Variants in CDH4 observed in about 807,000 individuals in gnomAD.
The protein encoded by CDH4 is cadherin-4.
In CDH4, 33 loss-of-function variants were observed where a neutral mutation model predicts 86.0. The observed-to-expected ratio is 0.38, with a 90% CI of 0.29 to 0.51. The LOEUF is 0.51. CDH4 is among the 20% of genes least tolerant of loss of function. The probability of loss-of-function intolerance (pLI) is 0.86; values close to 1 mark genes in which losing one functional copy is unlikely to be tolerated. For synonymous variants in CDH4, 555 were observed against 549.4 expected, an observed-to-expected ratio of 1.01 and a Z score of -0.14; for missense variants, 1,114 against 1,307.4, an observed-to-expected ratio of 0.85 and a Z score of 2.28.
chr20:61,413,051 G>T (rs2085127759), intron 2 of CDH4, among the ~76,000 whole-genome samples: 1 of 152,168 alleles, frequency 6.6e-6, no homozygotes. Flanking sequence ...CCAGGCTCTT[G>T]GTGTGGGGGG....
chr20:61,300,286 G>A (rs1202562785), intron 2 of CDH4, among the ~76,000 whole-genome samples: 1 of 152,158 alleles, frequency 6.6e-6, no homozygotes, highest in Non-Finnish European at 1.5e-5. Context: ...GGGAACACTT[G>A]AAAAATGAGC....
chr20:61,637,517 A>G (rs1443796639), intron 2 of CDH4, among the ~76,000 whole-genome samples: 1 of 152,238 alleles, frequency 6.6e-6, no homozygotes, highest in Non-Finnish European at 1.5e-5. Context: ...AGCTCTTGGC[A>G]GTAACTCCAA....
chr20:61,744,941 C>T (rs2088395609), intron 3 of CDH4, among the ~76,000 whole-genome samples: 1 of 152,178 alleles, frequency 6.6e-6, no homozygotes, highest in Admixed American at 6.5e-5. Context: ...TGCAACCAGG[C>T]GGCCTGTGGG....
intron 1 of CDH4, among the ~76,000 whole-genome samples, chr20:61,254,463 C>T (rs778733117): frequency 1.1e-4 from 17 of 152,258 alleles, no homozygotes; most frequent in Non-Finnish European, 2.2e-4. Context: ...GGCCTCCCTG[C>T]CCTTAGTGGC....
At chr20:61,487,276 G>C (rs75878184) in intron 2 of CDH4, among the ~76,000 whole-genome samples, 2,500 of 152,292 alleles carry the variant, frequency 0.016, 72 homozygotes, top group African/African-American at 0.056. Flanking sequence ...GTTCTGCGGG[G>C]GAAGGGGGCT....
Position 61,424,760 on chromosome 20 carries a change from A to G in CDH4, c.169+169823A>G, listed in dbSNP as rs188442065. Among the ~76,000 whole-genome samples the G allele has an allele frequency of 3.6e-3, 387 of 106,256 alleles. 2 individuals are homozygous for G. The highest frequency in any genetic ancestry group is 0.01 in the African/African-American group (353 of 34,102). The allele number at this position is 106,256 out of a possible 152,430, so 69.7% of individuals were successfully genotyped here. A position where few individuals can be genotyped will look rare whatever the true frequency, so the allele number is the denominator to read the frequency against. On this transcript the variant is annotated intron_variant, in intron 2 of 15. Transcript: ENST00000614565. Reference sequence around the variant, plus strand: ...ACTCCCATTGTTTAGGGAGAGTGTCATCCTGACACAGGCCTCAGTCATCCC... The same window carrying G: ...ACTCCCATTGTTTAGGGAGAGTGTCGTCCTGACACAGGCCTCAGTCATCCC...
At chr20:61,275,716 G>T (rs1335687407) in intron 2 of CDH4, among the ~76,000 whole-genome samples, 2 of 151,842 alleles carry the variant, frequency 1.3e-5, no homozygotes, top group South Asian at 4.2e-4. Context: ...CAGTTTGGGG[G>T]CGTATCATGT....
At chr20:61,476,082 G>A (rs896354621) in intron 2 of CDH4, among the ~76,000 whole-genome samples, 2 of 152,196 alleles carry the variant, frequency 1.3e-5, no homozygotes, top group Admixed American at 6.5e-5. Flanking sequence ...CATAAGCCAC[G>A]AGCTTAATGC....
chr20:61,697,026 G>C (rs77975908), intron 2 of CDH4, among the ~76,000 whole-genome samples: 1,877 of 152,266 alleles, frequency 0.012, 34 homozygotes, highest in African/African-American at 0.043. Context: ...AGGCTGGAAG[G>C]GCCCTCCCCT....
chr20:61,337,264 T>C (rs928011058), intron 2 of CDH4, among the ~76,000 whole-genome samples: 7 of 686 alleles, frequency 0.01, no homozygotes, highest in Non-Finnish European at 0.033. Context: ...ATGGTGATGG[T>C]GATGGTGGTG....
intron 3 of CDH4, among the ~76,000 whole-genome samples, chr20:61,757,257 G>T (rs900245607): frequency 6.6e-6 from 1 of 152,166 alleles, no homozygotes; most frequent in African/African-American, 2.4e-5. Context: ...CCCCTCCAGG[G>T]GGCTCGAGTT....
In CDH4 at chr20:61,663,816, A is replaced by G. The variant is rs2087290121; in HGVS notation, c.170-79747A>G. On this transcript the variant is annotated intron_variant, in intron 2 of 15. Coordinates refer to ENST00000614565, the MANE Select transcript of CDH4 (RefSeq NM_001794.5). The surrounding 1 kb of genome is among the most constrained non-coding windows in gnomAD (Gnocchi z 5.0). ...GTGGGCACCACTGAACACGGGGTAA[A>G]CCAATCACCAGTCACTCCCACGCTG... Among the ~76,000 whole-genome samples, 1 of 152,088 alleles carries G rather than the reference A, an allele frequency of 6.6e-6. No individual in the cohort carries two copies. Among genetic ancestry groups the G allele is most frequent in the African/African-American group, 2.4e-5 (1 of 41,410 alleles).
chr20:61,491,285 C>T (rs1167256979), intron 2 of CDH4, among the ~76,000 whole-genome samples: 1 of 152,194 alleles, frequency 6.6e-6, no homozygotes, highest in Non-Finnish European at 1.5e-5. Flanking sequence ...CCCAGTTCCA[C>T]ACAGGTTACT....
intron 2 of CDH4, among the ~76,000 whole-genome samples, chr20:61,694,738 A>G (rs1756681121): frequency 6.6e-6 from 1 of 152,144 alleles, no homozygotes; most frequent in African/African-American, 2.4e-5. Context: ...TGCGTGCTTT[A>G]GAGATGAGAA....
At chr20:61,762,021 C>T (rs1377454140) in intron 3 of CDH4, among the ~76,000 whole-genome samples, 1 of 152,266 alleles carries the variant, frequency 6.6e-6, no homozygotes, top group Admixed American at 6.5e-5. Context: ...CCTTTGCAGC[C>T]AGTCCAGCCT....
At chr20:61,624,272 C>A (rs889942088) in intron 2 of CDH4, among the ~76,000 whole-genome samples, 2 of 152,218 alleles carry the variant, frequency 1.3e-5, no homozygotes, top group African/African-American at 4.8e-5. Context: ...TGAGAGAGGT[C>A]TAAATAAGTC....
In CDH4 at chr20:61,269,720, G is replaced by T. The variant is rs1376971335; in HGVS notation, c.169+14783G>T. 1.6e-4 allele frequency among the ~76,000 whole-genome samples: 25 copies of T among 152,034 alleles called. No individual in the cohort carries two copies. Among genetic ancestry groups the T allele is most frequent in the Admixed American group, 1.6e-3 (25 of 15,256 alleles). On this transcript the variant is annotated intron_variant, in intron 2 of 15. Transcript: ENST00000614565. This position sits in a 1 kb window ranked among gnomAD's most constrained non-coding sequence, Gnocchi z 5.3. ...CCTCCTGCTCTCCTCCTCCTCTTCT[G>T]GTCCCTGTGAAGTGACCTGCCTGGC...
intron 2 of CDH4, among the ~76,000 whole-genome samples, chr20:61,554,740 T>C (rs1013876333): frequency 6.6e-6 from 1 of 152,262 alleles, no homozygotes; most frequent in African/African-American, 2.4e-5. Flanking sequence ...CACATGTACA[T>C]GTACATGCAT....
intron 2 of CDH4, among the ~76,000 whole-genome samples, chr20:61,553,784 C>T (rs1413720026): frequency 6.6e-6 from 1 of 152,220 alleles, no homozygotes; most frequent in Admixed American, 6.5e-5. Context: ...TATCCCCTGT[C>T]CCATGAGGTT....
Sources: gnomAD v4.1 joint callset for allele counts (sites outside exome capture counted in the v4.1 genomes callset) on GRCh38, gnomAD v4.1.1 for gene constraint, Gnocchi (gnomAD v3.1) non-coding constraint, MANE v1.5 for transcripts, NCBI Gene and HGNC (gene_info 2026-07-23, HGNC 2026-07-21) for gene names.